Variants in ASS1 observed in about 807,000 individuals in gnomAD.
ASS1 encodes the protein argininosuccinate synthase 1.
ASS1 carries 58 observed loss-of-function variants against 60.5 expected under a neutral mutation model. That is an observed-to-expected ratio of 0.96 (90% CI 0.78 to 1.19). The LOEUF is 1.19. Ranked by LOEUF, ASS1 falls within the 50% of genes most tolerant of loss-of-function variation. The probability of loss-of-function intolerance (pLI) is 0.00; values close to 1 mark genes in which losing one functional copy is unlikely to be tolerated. For missense variants in ASS1, 454 were observed against 547.3 expected, an observed-to-expected ratio of 0.83 and a Z score of 1.70; for synonymous variants, 200 against 206.9, an observed-to-expected ratio of 0.97 and a Z score of 0.29.
At chr9:130,499,638 C>G in intron 14 of ASS1, 68 bp downstream of exon 14, 2 of 1,501,714 alleles carry the variant, frequency 1.3e-6, no homozygotes, top group Non-Finnish European at 1.8e-6. Context: ...TTGAGAGCCC[C>G]CAGGTGTAAA....
At chr9:130,447,327 T>C (rs966031833) in intron 1 of ASS1, among the ~76,000 whole-genome samples, 1 of 152,212 alleles carries the variant, frequency 6.6e-6, no homozygotes, top group Non-Finnish European at 1.5e-5. Context: ...CCTTTGTAAA[T>C]AGGTGGTAAT....
intron 4 of ASS1, among the ~76,000 whole-genome samples, chr9:130,461,936 A>G (rs1353296996): frequency 6.6e-6 from 1 of 152,094 alleles, no homozygotes; most frequent in Non-Finnish European, 1.5e-5. Flanking sequence ...TTGGCCTGGG[A>G]TGTGAGGGGG....
chr9:130,472,711 A>G (rs1338707724), intron 8 of ASS1, among the ~76,000 whole-genome samples: 2 of 152,076 alleles, frequency 1.3e-5, no homozygotes, highest in African/African-American at 4.8e-5. Flanking sequence ...TTTCTAGTTC[A>G]TGCTCTGCTG....
chr9:130,497,033 T>G (rs899986548), intron 13 of ASS1, among the ~76,000 whole-genome samples: 11 of 152,260 alleles, frequency 7.2e-5, no homozygotes, highest in African/African-American at 2.7e-4. Context: ...TTCTAAACAC[T>G]TTATAAGCCA....
chr9:130,491,755 G>A lies in ASS1; in HGVS notation c.970+2291G>A, dbSNP rs1377787751. Among the ~76,000 whole-genome samples, 1 of 152,176 alleles carries A rather than the reference G, an allele frequency of 6.6e-6. No individual in the cohort carries two copies. Among genetic ancestry groups the A allele is most frequent in the East Asian group, 1.9e-4 (1 of 5,188 alleles). On this transcript the variant is annotated intron_variant, in intron 12 of 14. Transcript: ENST00000352480. The surrounding 1 kb of genome is among the most constrained non-coding windows in gnomAD (Gnocchi z 5.3). ...ATCCCAAACTGAGGTACAATGATTAGGAGACTTAAAAGGAAACAAAATCTC... is the reference window on the plus strand; with the variant it reads ...ATCCCAAACTGAGGTACAATGATTAAGAGACTTAAAAGGAAACAAAATCTC...
chr9:130,460,949 T>C lies in ASS1; in HGVS notation c.363+2360T>C, dbSNP rs151165625. ...AGGACCGTGTGTATGCTGCCATCTG[T>C]GCAAAGGTGGTGGCAGAGGAGGAGA... On this transcript the variant is annotated intron_variant, in intron 4 of 14. Coordinates refer to ENST00000352480, the MANE Select transcript of ASS1 (RefSeq NM_054012.4). Among the ~76,000 whole-genome samples the C allele has an allele frequency of 7.5e-3, 1,139 of 151,188 alleles. 14 individuals carry two copies. The highest frequency in any genetic ancestry group is 0.026 in the African/African-American group (1,079 of 41,038).
At chr9:130,455,868 A>C (rs1845439322) in intron 3 of ASS1, among the ~76,000 whole-genome samples, 1 of 152,252 alleles carries the variant, frequency 6.6e-6, no homozygotes, top group African/African-American at 2.4e-5. Context: ...CACGGGAGGG[A>C]GTGGATGCCC....
At chr9:130,471,022 TGA>T in intron 7 of ASS1, 118 bp downstream of exon 7, 1 of 1,202,446 alleles carries the variant, frequency 8.3e-7, no homozygotes, top group Non-Finnish European at 1.2e-6. Flanking sequence ...CTCGGGGAGC[TGA>T]GAGGCCTCAG....
intron 11 of ASS1, among the ~76,000 whole-genome samples, chr9:130,484,436 C>T (rs750737911): frequency 5.9e-5 from 9 of 152,046 alleles, no homozygotes; most frequent in Admixed American, 3.9e-4. Context: ...GATCCTTGCC[C>T]GTCTCCCCAC....
chr9:130,462,339 A>G (rs1845618208), intron 4 of ASS1, among the ~76,000 whole-genome samples: 1 of 152,146 alleles, frequency 6.6e-6, no homozygotes, highest in Admixed American at 6.5e-5. Context: ...CAGCATGCGG[A>G]CACTCGTGTG....
chr9:130,499,403 C>A, intron 13 of ASS1, 102 bp from the exon 14 acceptor site: 2 of 1,229,958 alleles, frequency 1.6e-6, no homozygotes, highest in Non-Finnish European at 2.4e-6. Flanking sequence ...AGGGGAAATG[C>A]CCTGGCATCT....
Position 130,489,234 on chromosome 9 carries a change from T to G in ASS1, c.839-99T>G. 4.8e-6 allele frequency: 7 copies of G among 1,451,754 alleles called. No individual in the cohort carries two copies. Among genetic ancestry groups the G allele is most frequent in the East Asian group, 2.4e-5 (1 of 41,658 alleles). The allele number at this position is 1,451,754 out of a possible 1,614,324, so 89.9% of individuals were successfully genotyped here. A position where few individuals can be genotyped will look rare whatever the true frequency, so the allele number is the denominator to read the frequency against. Reference sequence around the variant, plus strand: ...GGCTTGTCTCCTGTCAGACGACTCATTATTATTATTATTTTTTTTTTTGTC... The same window carrying G: ...GGCTTGTCTCCTGTCAGACGACTCAGTATTATTATTATTTTTTTTTTTGTC... On this transcript the variant is annotated intron_variant, in intron 11 of 14. Coordinates refer to ENST00000352480, the MANE Select transcript of ASS1 (RefSeq NM_054012.4). The surrounding 1 kb of genome is among the most constrained non-coding windows in gnomAD (Gnocchi z 4.1).
chr9:130,445,263 A>T, intron 1 of ASS1: 1 of 958,856 alleles, frequency 1.0e-6, no homozygotes, highest in Non-Finnish European at 1.2e-6. Flanking sequence ...CCCGGGTCCG[A>T]AGAGCGGCTC....
In ASS1 at chr9:130,480,357, G is replaced by A. The variant is rs151042066; in HGVS notation, c.774-28G>A. On this transcript the variant is annotated intron_variant, in intron 10 of 14. Coordinates refer to ENST00000352480, the MANE Select transcript of ASS1 (RefSeq NM_054012.4). ...GACTCTGAGCCTTGCGGTAGCGCCC[G>A]AACCTAATGGACCAGTTCTTCCCAC... 27 of 1,613,944 alleles carry A rather than the reference G, an allele frequency of 1.7e-5. 1 individual carries two copies. The highest frequency in any genetic ancestry group is 6.6e-5 in the South Asian group (6 of 91,084).
intron 1 of ASS1, among the ~76,000 whole-genome samples, chr9:130,448,906 C>G (rs187784944): frequency 5.9e-5 from 9 of 152,316 alleles, no homozygotes; most frequent in African/African-American, 1.7e-4. Flanking sequence ...GGCACCCCAG[C>G]CCTCTTTTTG....
At chr9:130,449,029 C>T (rs10121847) in intron 1 of ASS1, among the ~76,000 whole-genome samples, 4,796 of 152,246 alleles carry the variant, frequency 0.032, 262 homozygotes, top group African/African-American at 0.11. Flanking sequence ...GGGGAGAGGG[C>T]AGTTAGAATA....
chr9:130,485,957 C>G (rs541569533), intron 11 of ASS1, among the ~76,000 whole-genome samples: 6 of 152,090 alleles, frequency 3.9e-5, no homozygotes, highest in African/African-American at 1.4e-4. Context: ...GCTTTTTTGG[C>G]ACTGTCATGT....
In ASS1 at chr9:130,448,422, G is replaced by GCGCGCGCA. The variant is rs71387350; in HGVS notation, c.-6+3428_-6+3429insGCGCGCAC. On this transcript the variant is annotated intron_variant, in intron 1 of 14. Coordinates refer to ENST00000352480, the MANE Select transcript of ASS1 (RefSeq NM_054012.4). ...TGGGTGCACACAGGTGTGTGCGCGC[G>GCGCGCGCA]CACACACACACACACACACACACTG... is the stretch of plus-strand genomic sequence containing the variant. Among the ~76,000 whole-genome samples, 8 of 143,296 alleles carry GCGCGCGCA rather than the reference G, an allele frequency of 5.6e-5. 1 individual carries two copies. In the South Asian group the frequency reaches 1.3e-3, roughly 24 times the overall value. The allele number at this position is 143,296 out of a possible 152,430, so 94.0% of individuals were successfully genotyped here. A position where few individuals can be genotyped will look rare whatever the true frequency, so the allele number is the denominator to read the frequency against.
chr9:130,465,536 G>A (rs1845717347), intron 5 of ASS1, among the ~76,000 whole-genome samples: 1 of 152,208 alleles, frequency 6.6e-6, no homozygotes, highest in Non-Finnish European at 1.5e-5. Flanking sequence ...TGGATTTCAG[G>A]TGCTCTGAAT....
Sources: allele counts gnomAD v4.1 joint callset (sites outside exome capture counted in the v4.1 genomes callset), GRCh38; gene constraint gnomAD v4.1.1; non-coding constraint Gnocchi (gnomAD v3.1); transcripts MANE v1.5; gene names NCBI Gene and HGNC (gene_info 2026-07-23, HGNC 2026-07-21).